The following NIPAL1 variants were observed in gnomAD, a reference collection of about 807,000 sequenced individuals.
NIPAL1 encodes the protein magnesium transporter NIPA3.
NIPAL1 carries 35 observed loss-of-function variants against 37.7 expected under a neutral mutation model. The ratio of observed to expected loss-of-function variants is 0.93; its 90% CI spans 0.71 to 1.23. The LOEUF (loss-of-function observed/expected upper bound fraction) is 1.23, where lower values mean the gene tolerates loss of function less well. Among genes scored for constraint, NIPAL1 ranks in the 50% most tolerant of loss-of-function variants. The pLI, the probability that NIPAL1 is intolerant of heterozygous loss-of-function variation, is 0.00. For synonymous variants in NIPAL1, 162 were observed against 183.0 expected, an observed-to-expected ratio of 0.89 and a Z score of 0.93; for missense variants, 412 against 473.9, an observed-to-expected ratio of 0.87 and a Z score of 1.21.
rs775148855 is a variant in NIPAL1, at chr4:48,036,273, A to C, written c.*101A>C. On this transcript the variant is annotated 3_prime_UTR_variant, in exon 6 of 6. Coordinates refer to ENST00000295461, the MANE Select transcript of NIPAL1 (RefSeq NM_207330.3). ...CTGCTAGGAAAGTTAGCATTTTTGC[A>C]GTTCTAACTAATTTAGATGTGAGGC... 1.5e-5 allele frequency: 18 copies of C among 1,171,562 alleles called. No homozygotes were observed. Among genetic ancestry groups the C allele is most frequent in the African/African-American group, 4.7e-5 (3 of 63,464 alleles). The allele number at this position is 1,171,562 out of a possible 1,614,324, so 72.6% of individuals were successfully genotyped here. A position where few individuals can be genotyped will look rare whatever the true frequency, so the allele number is the denominator to read the frequency against.
intron 3 of NIPAL1, 93 bp from the exon 4 acceptor site, chr4:48,032,900 G>T (rs1715853225): frequency 1.4e-6 from 1 of 736,724 alleles, no homozygotes; most frequent in South Asian, 1.7e-5. Context: ...CATGTATTTG[G>T]GTTAAAAGTC....
In NIPAL1 at chr4:48,035,643, A is replaced by G. The variant is rs373420415; in HGVS notation, c.704A>G (p.Asn235Ser). 2 of 1,613,788 alleles carry G rather than the reference A, an allele frequency of 1.2e-6. No individual in the cohort carries two copies. Among genetic ancestry groups the G allele is most frequent in the East Asian group, 4.5e-5 (2 of 44,892 alleles). The change falls in exon 6 of 6, where the codon AAT becomes AGT. Residue 235 changes from asparagine (N) to serine (S), a missense_variant. Asn to Ser is a conservative substitution (Grantham distance 46). Coordinates refer to ENST00000295461, the MANE Select transcript of NIPAL1 (RefSeq NM_207330.3). Reference protein sequence around the residue: ...LIVAPKKGQTNILVYISICSL... With the variant: ...LIVAPKKGQTSILVYISICSL... ...GTGGCTCCCAAGAAAGGACAGACCAATATATTGGTTTATATTTCAATCTGT... is the reference window on the plus strand; with the variant it reads ...GTGGCTCCCAAGAAAGGACAGACCAGTATATTGGTTTATATTTCAATCTGT...
intron 1 of NIPAL1, among the ~76,000 whole-genome samples, chr4:48,022,743 G>A (rs1327502480): frequency 6.6e-6 from 1 of 152,096 alleles, no homozygotes; most frequent in African/African-American, 2.4e-5. Flanking sequence ...ACATCGTGTG[G>A]AACAAGATTG....
Position 48,039,602 on chromosome 4 carries a change from A to G in NIPAL1, c.*3430A>G, listed in dbSNP as rs1448944967. 1.3e-5 allele frequency: 2 copies of G among 152,192 alleles called. No individual in the cohort carries two copies. The highest frequency in any genetic ancestry group is 6.5e-5 in the Admixed American group (1 of 15,274). 9.4% of individuals were successfully genotyped at this position (152,192 alleles called of 1,614,324 possible). On this transcript the variant is annotated 3_prime_UTR_variant, in exon 6 of 6. Coordinates refer to ENST00000295461, the MANE Select transcript of NIPAL1 (RefSeq NM_207330.3). The stretch of plus-strand genomic sequence containing the variant: ...AGTTTCATTATACTTTTGTCTTACA[A>G]TTTTATTCTTAGGTCAATGGTTATT...
At chr4:48,025,671 G>A (rs936543261) in intron 2 of NIPAL1, among the ~76,000 whole-genome samples, 10 of 152,126 alleles carry the variant, frequency 6.6e-5, no homozygotes, top group African/African-American at 2.2e-4. Flanking sequence ...CTATAAATGA[G>A]CAAGTAAACC....
chr4:48,035,829 C>T lies in NIPAL1; in HGVS notation c.890C>T (p.Ala297Val). Residue 297 changes from alanine (A) to valine (V), a missense_variant, in exon 6 of 6, where the codon GCA becomes GTA. Physicochemically the swap from Ala to Val is moderately conservative, Grantham distance 64. Transcript: ENST00000295461. ...VTTQINYLNKALDTFNTSLVT... is the reference protein window; with the variant it reads ...VTTQINYLNKVLDTFNTSLVT... ...ACACAGATTAACTATCTCAACAAGGCACTGGACACCTTTAATACCTCTCTT... is the reference window on the plus strand; with the variant it reads ...ACACAGATTAACTATCTCAACAAGGTACTGGACACCTTTAATACCTCTCTT... 6.2e-7 allele frequency: 1 copy of T among 1,614,126 alleles called. No individual in the cohort carries two copies. Among genetic ancestry groups the T allele is most frequent in the Non-Finnish European group, 8.5e-7 (1 of 1,179,982 alleles).
At position 48,025,353 on chromosome 4, in the gene NIPAL1, T is replaced by C; in HGVS notation, c.313+19T>C. 6.2e-7 allele frequency: 1 copy of C among 1,608,136 alleles called. No individual in the cohort carries two copies. Among genetic ancestry groups the C allele is most frequent in the Non-Finnish European group, 8.5e-7 (1 of 1,176,862 alleles). ...AGAGCTGGTAAGAAACACATGCAAC[T>C]AATGAATTTAAGTTTCTAACTGCAG... On this transcript the variant is annotated intron_variant, in intron 2 of 5. Coordinates refer to ENST00000295461, the MANE Select transcript of NIPAL1 (RefSeq NM_207330.3).
chr4:48,031,061 TG>T (rs1296217000), intron 3 of NIPAL1, among the ~76,000 whole-genome samples: 54 of 152,198 alleles, frequency 3.5e-4, no homozygotes, highest in African/African-American at 1.3e-3. Flanking sequence ...GGGGTTTTTT[TG>T]TTTTTTGTTT....
chr4:48,020,825 A>G (rs1367648293), intron 1 of NIPAL1, among the ~76,000 whole-genome samples: 3 of 152,242 alleles, frequency 2.0e-5, no homozygotes, highest in African/African-American at 4.8e-5. Flanking sequence ...TCACAGTAGA[A>G]TAGATGGTGA....
chr4:48,035,203 C>G (rs928072208), intron 5 of NIPAL1, among the ~76,000 whole-genome samples, 162 bp downstream of exon 5: 1 of 152,114 alleles, frequency 6.6e-6, no homozygotes, highest in African/African-American at 2.4e-5. Context: ...GAAAAGATGG[C>G]AGAACTTATT....
chr4:48,019,157 A>C (rs1305891128), intron 1 of NIPAL1, among the ~76,000 whole-genome samples: 3 of 152,204 alleles, frequency 2.0e-5, no homozygotes, highest in Admixed American at 1.3e-4. Flanking sequence ...AGCTGGGAAT[A>C]CAGGCACATG....
intron 1 of NIPAL1, among the ~76,000 whole-genome samples, chr4:48,017,775 C>T (rs1715471272): frequency 6.6e-6 from 1 of 151,974 alleles, no homozygotes; most frequent in South Asian, 2.1e-4. Flanking sequence ...TTTAATTTAC[C>T]TGATAATGCA....
At chr4:48,021,228 A>G (rs1441089272) in intron 1 of NIPAL1, among the ~76,000 whole-genome samples, 1 of 152,222 alleles carries the variant, frequency 6.6e-6, no homozygotes, top group Non-Finnish European at 1.5e-5. Flanking sequence ...GTCCATCAGC[A>G]ACATTTATGA....
At chr4:48,023,795 A>C (rs929014624) in intron 1 of NIPAL1, among the ~76,000 whole-genome samples, 7 of 152,198 alleles carry the variant, frequency 4.6e-5, no homozygotes, top group Admixed American at 1.3e-4. Flanking sequence ...TAAAAAGCCT[A>C]ATGATATTTA....
chr4:48,034,856 T>C (rs1715889460), intron 4 of NIPAL1, 25 bp from the exon 5 acceptor site: 2 of 1,592,500 alleles, frequency 1.3e-6, no homozygotes, highest in East Asian at 2.2e-5. Context: ...GCTATAGTGA[T>C]TTTTAATTTT....
chr4:48,034,849 A>G (rs1266560007), intron 4 of NIPAL1, 32 bp from the exon 5 acceptor site: 1 of 1,557,070 alleles, frequency 6.4e-7, no homozygotes. Context: ...TAATTGAGCT[A>G]TAGTGATTTT....
intron 1 of NIPAL1, among the ~76,000 whole-genome samples, chr4:48,022,415 T>G (rs1057080710): frequency 1.3e-5 from 2 of 152,216 alleles, no homozygotes; most frequent in Non-Finnish European, 1.5e-5. Context: ...CCAGTTGCAA[T>G]GAGAACTTGC....
Position 48,027,676 on chromosome 4 carries a change from G to A in NIPAL1, c.313+2342G>A, listed in dbSNP as rs1175717750. Among the ~76,000 whole-genome samples the A allele has an allele frequency of 6.6e-6, 1 of 152,168 alleles. No individual in the cohort carries two copies. Among genetic ancestry groups the A allele is most frequent in the African/African-American group, 2.4e-5 (1 of 41,434 alleles). ...GGGCTAAGTATATTAAAATTGATAA[G>A]AAAACTCCATTTTCTATAGTAAATA... On this transcript the variant is annotated intron_variant, in intron 2 of 5. Coordinates refer to ENST00000295461, the MANE Select transcript of NIPAL1 (RefSeq NM_207330.3). The surrounding 1 kb of genome is among the most constrained non-coding windows in gnomAD (Gnocchi z 4.1).
In NIPAL1 at chr4:48,035,449, C is replaced by T. The variant is rs541005342; in HGVS notation, c.623-113C>T. On this transcript the variant is annotated intron_variant, in intron 5 of 5. Transcript: ENST00000295461. ...AATAGAATGTTGTTTTTAATTTGAT[C>T]TCACTTCTATTTCTAAAATACCTAT... 7 of 963,300 alleles carry T rather than the reference C, an allele frequency of 7.3e-6. No homozygotes were observed. In the African/African-American group the frequency reaches 1.2e-4, roughly 16 times the overall value. The allele number at this position is 963,300 out of a possible 1,614,324, so 59.7% of individuals were successfully genotyped here.
Sources: gnomAD v4.1 joint callset for allele counts (sites outside exome capture counted in the v4.1 genomes callset) on GRCh38, gnomAD v4.1.1 for gene constraint, Gnocchi (gnomAD v3.1) non-coding constraint, MANE v1.5 for transcripts, NCBI Gene and HGNC (gene_info 2026-07-23, HGNC 2026-07-21) for gene names.